Variants in PHACTR1 observed in about 807,000 individuals in gnomAD.
PHACTR1 encodes RPEL repeat containing 1.
In PHACTR1, 16 loss-of-function variants were observed where a neutral mutation model predicts 69.2. The observed-to-expected ratio is 0.23, with a 90% CI of 0.16 to 0.35. The LOEUF is 0.35. Ranked by LOEUF, PHACTR1 falls within the 10% of genes least tolerant of loss-of-function variation. PHACTR1 has a pLI of 1.00. For synonymous variants in PHACTR1, 312 were observed against 284.5 expected, an observed-to-expected ratio of 1.10 and a Z score of -0.97; for missense variants, 510 against 734.7, an observed-to-expected ratio of 0.69 and a Z score of 3.54.
intron 4 of PHACTR1, among the ~76,000 whole-genome samples, chr6:12,844,075 T>G (rs1026105829): frequency 1.3e-5 from 2 of 152,172 alleles, no homozygotes; most frequent in Non-Finnish European, 2.9e-5. Context: ...CCAAGGTTCC[T>G]CTTACATGAA....
chr6:12,982,149 A>G (rs528518858), intron 4 of PHACTR1, among the ~76,000 whole-genome samples: 1 of 152,294 alleles, frequency 6.6e-6, no homozygotes. Context: ...CACCTAATCA[A>G]CAGGTCTTAA....
At chr6:13,158,942 T>G (rs929438071) in intron 5 of PHACTR1, among the ~76,000 whole-genome samples, 16 of 152,248 alleles carry the variant, frequency 1.1e-4, no homozygotes, top group African/African-American at 3.9e-4. Flanking sequence ...GATTTTCCCC[T>G]GAATATGTTT....
chr6:12,903,232 A>T (rs542160617), intron 4 of PHACTR1, among the ~76,000 whole-genome samples: 1 of 152,302 alleles, frequency 6.6e-6, no homozygotes, highest in Non-Finnish European at 1.5e-5. Flanking sequence ...GATCAAATGA[A>T]TAAGGATAAG....
In PHACTR1 at chr6:12,955,192, C is replaced by CTTTTTTTTTTTTTTTT; in HGVS notation, c.251-98168_251-98153dup. 2.2e-3 allele frequency among the ~76,000 whole-genome samples: 223 copies of CTTTTTTTTTTTTTTTT among 103,276 alleles called. 34 individuals are homozygous for CTTTTTTTTTTTTTTTT. The highest frequency in any genetic ancestry group is 7.4e-3 in the African/African-American group (145 of 19,520). The allele number at this position is 103,276 out of a possible 152,430, so 67.8% of individuals were successfully genotyped here. ...ATCTATGGCTCACATTGTATTTCCTCTTTTTTTTTTTTTTTTTTTTGAGAG... is the reference window on the plus strand; with the variant it reads ...ATCTATGGCTCACATTGTATTTCCTCTTTTTTTTTTTTTTTTTTTTTTTTTTTTTTTTTTTTGAGAG... On this transcript the variant is annotated intron_variant, in intron 4 of 14. Coordinates refer to ENST00000332995, the MANE Select transcript of PHACTR1 (RefSeq NM_030948.6).
At chr6:13,285,789 C>T (rs1262258954) in intron 13 of PHACTR1, among the ~76,000 whole-genome samples, 1 of 152,134 alleles carries the variant, frequency 6.6e-6, no homozygotes, top group Non-Finnish European at 1.5e-5. Flanking sequence ...CTGTGCTGAG[C>T]TTTGTTTATT....
chr6:13,101,567 A>G (rs1815167125), intron 5 of PHACTR1, among the ~76,000 whole-genome samples: 1 of 152,212 alleles, frequency 6.6e-6, no homozygotes, highest in Non-Finnish European at 1.5e-5. Flanking sequence ...AAGAAATGAA[A>G]GAATAGCTGA....
chr6:12,751,759 C>T (rs1299710086), intron 4 of PHACTR1, among the ~76,000 whole-genome samples: 1 of 152,150 alleles, frequency 6.6e-6, no homozygotes, highest in Non-Finnish European at 1.5e-5. Context: ...AGCACTCAGT[C>T]CCTTCTATAT....
At chr6:12,947,365 A>G (rs528118994) in intron 4 of PHACTR1, among the ~76,000 whole-genome samples, 8 of 150,200 alleles carry the variant, frequency 5.3e-5, no homozygotes, top group African/African-American at 1.7e-4. Flanking sequence ...TTCTGTGATG[A>G]CAACAGTTGC....
At chr6:13,001,125 T>C (rs912372785) in intron 4 of PHACTR1, among the ~76,000 whole-genome samples, 1 of 152,208 alleles carries the variant, frequency 6.6e-6, no homozygotes, top group African/African-American at 2.4e-5. Context: ...GTTCCATTGG[T>C]AGAAAATGTC....
intron 4 of PHACTR1, among the ~76,000 whole-genome samples, chr6:12,866,758 T>A (rs1010397944): frequency 2.0e-5 from 3 of 152,212 alleles, no homozygotes; most frequent in Non-Finnish European, 4.4e-5. Flanking sequence ...TGTGCTTTGG[T>A]GGCAGAGAAG....
At chr6:13,202,909 T>C (rs1765424052) in intron 7 of PHACTR1, among the ~76,000 whole-genome samples, 1 of 152,244 alleles carries the variant, frequency 6.6e-6, no homozygotes, top group South Asian at 2.1e-4. Context: ...TGTGGTGACC[T>C]TGCACCATGT....
chr6:12,851,779 C>G (rs1442788007), intron 4 of PHACTR1, among the ~76,000 whole-genome samples: 3 of 152,018 alleles, frequency 2.0e-5, no homozygotes, highest in Non-Finnish European at 2.9e-5. Flanking sequence ...GTCATGTATT[C>G]CATGATCTTT....
chr6:12,911,555 G>C (rs906983885), intron 4 of PHACTR1, among the ~76,000 whole-genome samples: 3 of 152,146 alleles, frequency 2.0e-5, no homozygotes, highest in Non-Finnish European at 4.4e-5. Context: ...GTGTCTGCTA[G>C]AGGGCAACAT....
intron 4 of PHACTR1, among the ~76,000 whole-genome samples, chr6:13,004,167 C>T (rs1798499358): frequency 6.6e-6 from 1 of 151,362 alleles, no homozygotes; most frequent in African/African-American, 2.4e-5. Flanking sequence ...AATGGTAGAT[C>T]TATTTTTAGT....
intron 3 of PHACTR1, among the ~76,000 whole-genome samples, chr6:12,734,737 CAG>C (rs2127576914): frequency 6.6e-6 from 1 of 152,284 alleles, no homozygotes; most frequent in African/African-American, 2.4e-5. Context: ...ATTTCAGCCA[CAG>C]AGGATGGGCG....
chr6:13,230,385 C>T (rs933612620), intron 10 of PHACTR1, 192 bp downstream of exon 10: 3 of 1,337,402 alleles, frequency 2.2e-6, no homozygotes, highest in African/African-American at 3.0e-5. Context: ...AACCCCATCT[C>T]TACTAAAAAT....
In PHACTR1 at chr6:13,157,845, C is replaced by T. The variant is rs1013539668; in HGVS notation, c.416-2359C>T. Reference sequence around the variant, plus strand: ...TCACCTTACCTGTCCAGTCTTCTTCCGCTGTGCTGCTGTGCTGCTTAGCAG... The same window carrying T: ...TCACCTTACCTGTCCAGTCTTCTTCTGCTGTGCTGCTGTGCTGCTTAGCAG... On this transcript the variant is annotated intron_variant, in intron 5 of 14. Transcript: ENST00000332995. Among the ~76,000 whole-genome samples, 6 of 152,112 alleles carry T rather than the reference C, an allele frequency of 3.9e-5. No individual in the cohort carries two copies. The East Asian group carries it at 5.8e-4, about 15-fold the overall frequency.
intron 6 of PHACTR1, among the ~76,000 whole-genome samples, chr6:13,169,631 G>C (rs1760309081): frequency 1.3e-5 from 2 of 152,172 alleles, no homozygotes; most frequent in Non-Finnish European, 2.9e-5. Flanking sequence ...CTGTTGCTCA[G>C]CTGGGGACAA....
chr6:12,922,545 C>T (rs987648797), intron 4 of PHACTR1, among the ~76,000 whole-genome samples: 16 of 152,128 alleles, frequency 1.1e-4, no homozygotes, highest in African/African-American at 3.1e-4. Flanking sequence ...ACAGCTAGAT[C>T]GTGTTTAGAA....
Sources: allele counts gnomAD v4.1 joint callset (sites outside exome capture counted in the v4.1 genomes callset), GRCh38; gene constraint gnomAD v4.1.1; transcripts MANE v1.5; gene names NCBI Gene and HGNC (gene_info 2026-07-23, HGNC 2026-07-21).